PTBP1: variants seen among roughly 807,000 people sequenced by gnomAD.
PTBP1 encodes polypyrimidine tract-binding protein 1.
In PTBP1, 8 loss-of-function variants were observed where a neutral mutation model predicts 59.8. The observed-to-expected ratio is 0.13, with a 90% CI of 0.08 to 0.24. The LOEUF (loss-of-function observed/expected upper bound fraction) is 0.24. Among genes scored for constraint, PTBP1 ranks in the 10% least tolerant of loss-of-function variants. The pLI, the probability that PTBP1 is intolerant of heterozygous loss-of-function variation, is 1.00. For synonymous variants in PTBP1, 490 were observed against 320.7 expected (o/e 1.53, Z -5.64); for missense variants, 686 against 767.0 (o/e 0.89, Z 1.25).
chr19:808,072 A>T lies in PTBP1; in HGVS notation c.1153+170A>T. 1.5e-6 allele frequency: 1 copy of T among 689,472 alleles called. No individual in the cohort carries two copies. The highest frequency in any genetic ancestry group is 2.6e-5 in the East Asian group (1 of 37,866). 42.7% of individuals were successfully genotyped at this position (689,472 alleles called of 1,614,324 possible). A position where few individuals can be genotyped will look rare whatever the true frequency, so the allele number is the denominator to read the frequency against. On this transcript the variant is annotated intron_variant, in intron 11 of 14. Transcript: ENST00000356948. This position sits in a 1 kb window ranked among gnomAD's most constrained non-coding sequence, Gnocchi z 4.7. Reference sequence around the variant, plus strand: ...ATTTTATTTGGTCCCGTAGATACGTACGCATGGTTTATCGCCCTGCATGCT... The same window carrying T: ...ATTTTATTTGGTCCCGTAGATACGTTCGCATGGTTTATCGCCCTGCATGCT...
rs2043660120 is a variant in PTBP1 at position 803,431 on chromosome 19, A to C, written c.40-130A>C. Reference sequence around the variant, plus strand: ...TGCGCTCAGGCTGCCCTGCCGTGGAAGTGTGGGTGTGGGTATGGGTTGGGG... The same window carrying C: ...TGCGCTCAGGCTGCCCTGCCGTGGACGTGTGGGTGTGGGTATGGGTTGGGG... On this transcript the variant is annotated intron_variant, in intron 2 of 14. Transcript: ENST00000356948. 3.3e-5 allele frequency: 24 copies of C among 722,350 alleles called. 1 individual carries two copies. In the South Asian group the frequency reaches 4.0e-4, roughly 12 times the overall value. The allele number at this position is 722,350 out of a possible 1,614,324, so 44.7% of individuals were successfully genotyped here.
rs771915665 is a variant in PTBP1, at chr19:804,122, A to T, written c.202A>T (p.Ile68Phe). The change falls in exon 4 of 15, where the codon ATC (isoleucine) becomes TTC (phenylalanine). Residue 68 changes from isoleucine to phenylalanine, a missense_variant. Physicochemically the swap from Ile to Phe is conservative, Grantham distance 21. Transcript: ENST00000356948. ...AGTGATCCACATCCGGAAGCTCCCC[A>T]TCGACGTCACGGAGGGGGAAGTCAT... The part of the protein sequence containing the change: ...SRVIHIRKLP[I>F]DVTEGEVISL... 6.2e-7 allele frequency: 1 copy of T among 1,613,780 alleles called. No individual in the cohort carries two copies.
At chr19:801,477 C>G (rs553444141) in intron 2 of PTBP1, among the ~76,000 whole-genome samples, 64 of 152,248 alleles carry the variant, frequency 4.2e-4, no homozygotes, top group Non-Finnish European at 7.6e-4. Flanking sequence ...GCCAAGAGGA[C>G]CGCTCAGAGG....
chr19:798,232 G>C (rs2034168013), intron 1 of PTBP1, among the ~76,000 whole-genome samples: 1 of 152,100 alleles, frequency 6.6e-6, no homozygotes, highest in East Asian at 1.9e-4. Flanking sequence ...GCGCCGTCAT[G>C]GGGAGGGGCC....
At chr19:799,494 G>C (rs139890208) in intron 2 of PTBP1, 51 bp downstream of exon 2, 4 of 1,588,734 alleles carry the variant, frequency 2.5e-6, no homozygotes, top group Non-Finnish European at 2.6e-6. Context: ...ACCTTGTGCC[G>C]ACCCCGGGGG....
chr19:805,465 G>C (rs554803919), intron 8 of PTBP1, 27 bp from the exon 9 acceptor site: 1 of 1,595,320 alleles, frequency 6.3e-7, no homozygotes, highest in South Asian at 1.1e-5. Context: ...TTGTGGGTGC[G>C]ATGATTAGTG....
chr19:810,131 A>AC (rs770526697), intron 13 of PTBP1, among the ~76,000 whole-genome samples: 2 of 152,152 alleles, frequency 1.3e-5, no homozygotes, highest in African/African-American at 4.8e-5. Flanking sequence ...ACCTGGTGAA[A>AC]CCCCGTCTCT....
chr19:802,306 G>A (rs1046108837), intron 2 of PTBP1, among the ~76,000 whole-genome samples: 2 of 152,230 alleles, frequency 1.3e-5, no homozygotes, highest in African/African-American at 4.8e-5. Context: ...GGCCAGGGCA[G>A]GAGTGGAGCT....
chr19:811,767 C>T lies in PTBP1; in HGVS notation c.*941C>T, dbSNP rs948436900. The T allele has an allele frequency of 2.6e-5, 4 of 152,564 alleles. No homozygotes were observed. Among genetic ancestry groups the T allele is most frequent in the African/African-American group, 7.2e-5 (3 of 41,588 alleles). The allele number at this position is 152,564 out of a possible 1,614,324, so 9.5% of individuals were successfully genotyped here. A position where few individuals can be genotyped will look rare whatever the true frequency, so the allele number is the denominator to read the frequency against. On this transcript the variant is annotated 3_prime_UTR_variant, in exon 15 of 15. Coordinates refer to ENST00000356948, the MANE Select transcript of PTBP1 (RefSeq NM_002819.5). ...GCGGGCGTGTCGCCGCCTCTGGCAT[C>T]GCCTCCGGTTGCCTTACACCACGCC... is the stretch of plus-strand genomic sequence containing the variant.
At chr19:804,752 G>A (rs780229248) in intron 6 of PTBP1, 50 bp downstream of exon 6, 5 of 1,609,474 alleles carry the variant, frequency 3.1e-6, no homozygotes, top group Non-Finnish European at 4.2e-6. Flanking sequence ...ATTGCTGTGG[G>A]CACAGGCACA....
At position 804,097 on chromosome 19, in the gene PTBP1, A is replaced by G. The variant is rs1342072717; in HGVS notation, c.177A>G (p.Arg59=). 1.9e-6 allele frequency: 3 copies of G among 1,614,006 alleles called. No individual in the cohort carries two copies. Among genetic ancestry groups the G allele is most frequent in the Admixed American group, 1.7e-5 (1 of 60,002 alleles). ...GCCGAAGTGCAGGCGTCCCCTCTAG[A>G]GTGATCCACATCCGGAAGCTCCCCA... ...GDSRSAGVPS[R]VIHIRKLPID... The change falls in exon 4 of 15, where the codon AGA becomes AGG. Residue 59 remains arginine, a synonymous_variant. Transcript: ENST00000356948.
chr19:806,771 G>C (rs758676505), intron 10 of PTBP1: 27 of 482,682 alleles, frequency 5.6e-5, no homozygotes, highest in Non-Finnish European at 8.2e-5. Flanking sequence ...GTTTTCTCTT[G>C]CATGATACGC....
rs2034845754 is a variant in PTBP1 at position 811,132 on chromosome 19, C to T, written c.*306C>T. ...GGGCGTGGGGCCTGCAGGTGGGCGC[C>T]CCGACCACGACTTGGCTTCCTTGTG... is the stretch of plus-strand genomic sequence containing the variant. On this transcript the variant is annotated 3_prime_UTR_variant, in exon 15 of 15. Coordinates refer to ENST00000356948, the MANE Select transcript of PTBP1 (RefSeq NM_002819.5). 3.7e-6 allele frequency: 1 copy of T among 272,086 alleles called. No homozygotes were observed. Among genetic ancestry groups the T allele is most frequent in the African/African-American group, 2.2e-5 (1 of 45,280 alleles). The allele number at this position is 272,086 out of a possible 1,614,324, so 16.9% of individuals were successfully genotyped here. A position where few individuals can be genotyped will look rare whatever the true frequency, so the allele number is the denominator to read the frequency against.
Position 804,399 on chromosome 19 carries a change from C to T in PTBP1, c.396C>T (p.Asn132=). The T allele has an allele frequency of 6.2e-7, 1 of 1,612,490 alleles. No homozygotes were observed. The highest frequency in any genetic ancestry group is 8.5e-7 in the Non-Finnish European group (1 of 1,180,000). ...RGQPIYIQFS[N]HKELKTDSSP... ...AGCCCATCTACATCCAGTTCTCCAACCACAAGGAGCTGAAGACCGACAGCT... is the reference window on the plus strand; with the variant it reads ...AGCCCATCTACATCCAGTTCTCCAATCACAAGGAGCTGAAGACCGACAGCT... The change falls in exon 5 of 15, where the codon AAC becomes AAT. Residue 132 remains asparagine, a synonymous_variant. Transcript: ENST00000356948.
Position 803,629 on chromosome 19 carries a change from T to G in PTBP1, c.108T>G (p.Ala36=), listed in dbSNP as rs565740527. 2.4e-5 allele frequency: 39 copies of G among 1,614,132 alleles called. No homozygotes were observed. The East Asian group carries it at 7.4e-4, about 30-fold the overall frequency. ...CGTTTATCATGAGCAGCAACTCGGCTTCTGCAGGTAAGGCCGGGACTCGGC... is the reference window on the plus strand; with the variant it reads ...CGTTTATCATGAGCAGCAACTCGGCGTCTGCAGGTAAGGCCGGGACTCGGC... ...NGPFIMSSNS[A]SAANGNDSKK... Residue 36 remains alanine (A), a synonymous_variant, in exon 3 of 15, where the codon GCT becomes GCG. Transcript: ENST00000356948.
rs534022184 is a variant in PTBP1 at position 802,824 on chromosome 19, A to G, written c.40-737A>G. ...GGATCAGTCTAGTGCAATTCTTAGA[A>G]GTTGATCCAATTACATAGAAATAAC... is the stretch of plus-strand genomic sequence containing the variant. On this transcript the variant is annotated intron_variant, in intron 2 of 14. Coordinates refer to ENST00000356948, the MANE Select transcript of PTBP1 (RefSeq NM_002819.5). Among the ~76,000 whole-genome samples, 5 of 152,352 alleles carry G rather than the reference A, an allele frequency of 3.3e-5. No homozygotes were observed. In the East Asian group the frequency reaches 5.8e-4, roughly 18 times the overall value.
chr19:797,939 C>A (rs1187004168), intron 1 of PTBP1, among the ~76,000 whole-genome samples: 1 of 148,760 alleles, frequency 6.7e-6, no homozygotes, highest in Non-Finnish European at 1.5e-5. Context: ...CCCCAGCGCG[C>A]GTGCGCGGCC....
rs1277217832 is a variant in PTBP1, at chr19:797,452, A to G, written c.-46A>G. On this transcript the variant is annotated 5_prime_UTR_variant, in exon 1 of 15. Coordinates refer to ENST00000356948, the MANE Select transcript of PTBP1 (RefSeq NM_002819.5). ...CGGAGCCGTTGGGTCGGTTCCTGCT[A>G]TTCCGGCGCCTCCACTCCGTCCCCC... The G allele has an allele frequency of 1.3e-6, 2 of 1,599,678 alleles. No individual in the cohort carries two copies. The highest frequency in any genetic ancestry group is 1.7e-6 in the Non-Finnish European group (2 of 1,175,248).
rs1294051665 is a variant in PTBP1, at chr19:808,882, C to A, written c.1463+120C>A. 5 of 931,098 alleles carry A rather than the reference C, an allele frequency of 5.4e-6. No homozygotes were observed. Among genetic ancestry groups the A allele is most frequent in the African/African-American group, 4.9e-5 (3 of 60,744 alleles). 57.7% of individuals were successfully genotyped at this position (931,098 alleles called of 1,614,324 possible). On this transcript the variant is annotated intron_variant, in intron 13 of 14. Coordinates refer to ENST00000356948, the MANE Select transcript of PTBP1 (RefSeq NM_002819.5). This position sits in a 1 kb window ranked among gnomAD's most constrained non-coding sequence, Gnocchi z 4.7. ...CAGAGTGCAGGTCGGGCACCTCTTA[C>A]CCCAAACCTGAAGTACTGCAAGGCC...
Sources: gnomAD v4.1 joint callset for allele counts (sites outside exome capture counted in the v4.1 genomes callset) on GRCh38, gnomAD v4.1.1 for gene constraint, Gnocchi (gnomAD v3.1) non-coding constraint, MANE v1.5 for transcripts, NCBI Gene and HGNC (gene_info 2026-07-23, HGNC 2026-07-21) for gene names.